EFR3A: variants seen among roughly 807,000 people sequenced by gnomAD.
The protein encoded by EFR3A is protein EFR3 homolog A.
EFR3A carries 76 observed loss-of-function variants against 104.4 expected under a neutral mutation model. The ratio of observed to expected loss-of-function variants is 0.73; its 90% CI spans 0.60 to 0.88. EFR3A has a LOEUF of 0.88. Among genes scored for constraint, EFR3A ranks in the 40% least tolerant of loss-of-function variants. The probability of loss-of-function intolerance (pLI) is 0.00; values close to 1 mark genes in which losing one functional copy is unlikely to be tolerated. For synonymous variants in EFR3A, 330 were observed against 330.0 expected (o/e 1.00, Z 0.00); for missense variants, 985 against 1,012.5 (o/e 0.97, Z 0.37).
chr8:131,926,427 A>G (rs942875396), intron 1 of EFR3A, among the ~76,000 whole-genome samples: 7 of 152,152 alleles, frequency 4.6e-5, no homozygotes, highest in Non-Finnish European at 8.8e-5. Flanking sequence ...GAAGAAATAA[A>G]AAAAATTTGT....
chr8:131,963,628 T>A (rs1019514778), intron 8 of EFR3A, among the ~76,000 whole-genome samples: 3 of 152,114 alleles, frequency 2.0e-5, no homozygotes, highest in Non-Finnish European at 4.4e-5. Flanking sequence ...TCACAGCCGA[T>A]TTCTACCAGA....
chr8:131,992,700 C>A (rs1000148439), intron 18 of EFR3A, among the ~76,000 whole-genome samples: 1 of 151,984 alleles, frequency 6.6e-6, no homozygotes, highest in Non-Finnish European at 1.5e-5. Flanking sequence ...AAGAGGATGA[C>A]GAAGGGCAGG....
chr8:131,937,343 T>C (rs930080034), intron 1 of EFR3A, among the ~76,000 whole-genome samples: 9 of 152,144 alleles, frequency 5.9e-5, no homozygotes, highest in African/African-American at 2.2e-4. Context: ...GTAGTAGGAT[T>C]TTCCTGTTCA....
intron 5 of EFR3A, 62 bp from the exon 6 acceptor site, chr8:131,953,756 A>C (rs928413871): frequency 2.1e-6 from 3 of 1,409,044 alleles, no homozygotes; most frequent in Non-Finnish European, 2.8e-6. Context: ...TAGCTACGCA[A>C]ACAGTCTTGT....
At chr8:131,996,356 C>A in intron 18 of EFR3A, 50 bp from the exon 19 acceptor site, 3 of 1,146,384 alleles carry the variant, frequency 2.6e-6, no homozygotes, top group Admixed American at 2.8e-5. Context: ...TAAATGAAAA[C>A]CAACATAACA....
intron 1 of EFR3A, among the ~76,000 whole-genome samples, chr8:131,920,162 C>T (rs1436761142): frequency 4.6e-5 from 7 of 152,088 alleles, no homozygotes; most frequent in South Asian, 4.1e-4. Context: ...ACACTTGTGC[C>T]GGAGTGCTTT....
intron 4 of EFR3A, 77 bp downstream of exon 4, chr8:131,946,710 A>G: frequency 7.3e-7 from 1 of 1,370,284 alleles, no homozygotes; most frequent in Non-Finnish European, 9.6e-7. Flanking sequence ...GAATGACTTT[A>G]CCTGGTAAAG....
At chr8:131,946,430 G>C in intron 3 of EFR3A, 53 bp from the exon 4 acceptor site, 2 of 1,435,234 alleles carry the variant, frequency 1.4e-6, no homozygotes, top group Non-Finnish European at 1.8e-6. Context: ...AAAGCACTTA[G>C]GAGAATTAAG....
chr8:131,962,185 A>G (rs2130658622), intron 8 of EFR3A, among the ~76,000 whole-genome samples: 1 of 152,344 alleles, frequency 6.6e-6, no homozygotes, highest in Middle Eastern at 3.4e-3. Flanking sequence ...CATCATAATG[A>G]CAGGATCAAA....
chr8:131,910,281 T>C (rs1304911298), intron 1 of EFR3A, among the ~76,000 whole-genome samples: 2 of 152,202 alleles, frequency 1.3e-5, no homozygotes, highest in African/African-American at 4.8e-5. Context: ...CATCTTTCTC[T>C]GGTAATTTGA....
At chr8:131,906,347 T>C (rs1377097513) in intron 1 of EFR3A, among the ~76,000 whole-genome samples, 4 of 152,152 alleles carry the variant, frequency 2.6e-5, no homozygotes, top group Non-Finnish European at 4.4e-5. Flanking sequence ...CTAAGTGTTT[T>C]TGTTTGATTG....
chr8:131,955,979 C>T lies in EFR3A; in HGVS notation c.776+74C>T, dbSNP rs1818968489. On this transcript the variant is annotated intron_variant, in intron 7 of 22. Coordinates refer to ENST00000254624, the MANE Select transcript of EFR3A (RefSeq NM_015137.6). ...TCTGTGTTAACTTATTTATAGAGGA[C>T]AACTACTTTTTTACTTGCATGAGTG... is the stretch of plus-strand genomic sequence containing the variant. 5 of 1,540,376 alleles carry T rather than the reference C, an allele frequency of 3.2e-6. No homozygotes were observed. The Admixed American group carries it at 5.6e-5, about 17-fold the overall frequency.
At chr8:131,905,731 T>A (rs967460978) in intron 1 of EFR3A, among the ~76,000 whole-genome samples, 5 of 152,246 alleles carry the variant, frequency 3.3e-5, no homozygotes, top group Non-Finnish European at 7.3e-5. Flanking sequence ...TTCACGTTAT[T>A]CAGTGAATAT....
chr8:131,977,752 G>A (rs1820399552), intron 12 of EFR3A, among the ~76,000 whole-genome samples: 1 of 151,872 alleles, frequency 6.6e-6, no homozygotes, highest in African/African-American at 2.4e-5. Context: ...TACCTTGTGT[G>A]GTTGTATTTT....
intron 18 of EFR3A, among the ~76,000 whole-genome samples, chr8:131,989,114 A>G (rs1460966047): frequency 2.6e-5 from 4 of 152,214 alleles, no homozygotes; most frequent in Non-Finnish European, 5.9e-5. Flanking sequence ...TAACTGCACT[A>G]CTAGAAATCC....
intron 1 of EFR3A, among the ~76,000 whole-genome samples, chr8:131,937,238 T>TA (rs1373032180): frequency 6.6e-6 from 1 of 152,160 alleles, no homozygotes; most frequent in African/African-American, 2.4e-5. Context: ...AATTTACTCA[T>TA]AAAAAAAGAG....
chr8:132,004,774 G>A (rs1335929132), intron 22 of EFR3A, among the ~76,000 whole-genome samples: 6 of 152,172 alleles, frequency 3.9e-5, no homozygotes, highest in Non-Finnish European at 7.3e-5. Flanking sequence ...TTTTTCAGGT[G>A]AAGACACCAA....
At chr8:131,981,795 C>T (rs138230610) in intron 14 of EFR3A, among the ~76,000 whole-genome samples, 4 of 152,084 alleles carry the variant, frequency 2.6e-5, no homozygotes, top group East Asian at 1.9e-4. Context: ...ATCTTATATA[C>T]GGAGTCTGTT....
chr8:131,974,053 T>A (rs1295987749), intron 10 of EFR3A, among the ~76,000 whole-genome samples: 2 of 152,218 alleles, frequency 1.3e-5, no homozygotes, highest in Non-Finnish European at 2.9e-5. Flanking sequence ...AATAAGAGTT[T>A]TTCCTTAGGA....
Sources: gnomAD v4.1 joint callset for allele counts (sites outside exome capture counted in the v4.1 genomes callset) on GRCh38, gnomAD v4.1.1 for gene constraint, MANE v1.5 for transcripts, NCBI Gene and HGNC (gene_info 2026-07-23, HGNC 2026-07-21) for gene names.